ARHGEF17: variants seen among roughly 807,000 people sequenced by gnomAD.
ARHGEF17 encodes Rho guanine nucleotide exchange factor 17, also known as 164 kDa Rho-specific guanine-nucleotide exchange factor.
A neutral mutation model predicts 174.0 loss-of-function variants in ARHGEF17; 80 were observed. That is an observed-to-expected ratio of 0.46 (90% CI 0.38 to 0.55). The LOEUF is 0.55. Ranked by LOEUF, ARHGEF17 falls within the 20% of genes least tolerant of loss-of-function variation. The pLI is 0.00. For synonymous variants in ARHGEF17, 1,311 were observed against 1,189.1 expected (o/e 1.10, Z -2.11); for missense variants, 2,886 against 2,839.7 (o/e 1.02, Z -0.37).
intron 14 of ARHGEF17, 97 bp from the exon 15 acceptor site, chr11:73,363,109 C>T (rs1381184876): frequency 4.2e-6 from 6 of 1,435,500 alleles, no homozygotes; most frequent in Admixed American, 2.9e-5. Flanking sequence ...AGAGGCCTTC[C>T]GGAGGGGCAT....
intron 20 of ARHGEF17, among the ~76,000 whole-genome samples, 159 bp from the exon 21 acceptor site, chr11:73,367,425 C>T (rs539000485): frequency 6.6e-6 from 1 of 152,348 alleles, no homozygotes; most frequent in East Asian, 1.9e-4. Flanking sequence ...GTGGGCATTT[C>T]TTTCTAAATA....
At chr11:73,341,987 C>G (rs892602892) in intron 1 of ARHGEF17, among the ~76,000 whole-genome samples, 4 of 148,496 alleles carry the variant, frequency 2.7e-5, no homozygotes, top group Admixed American at 6.7e-5. Flanking sequence ...TGCTCGCCCC[C>G]ACCCCTCAGT....
At chr11:73,339,808 CT>C (rs1865342120) in intron 1 of ARHGEF17, among the ~76,000 whole-genome samples, 1 of 152,152 alleles carries the variant, frequency 6.6e-6, no homozygotes. Flanking sequence ...CCCTCTCTGT[CT>C]TTCCTTCTCT....
In ARHGEF17 at chr11:73,309,685, G is replaced by A. The variant is rs1864773982; in HGVS notation, c.1047G>A (p.Pro349=). Residue 349 remains proline (P), a synonymous_variant, in exon 1 of 21, where the codon CCG becomes CCA. Transcript: ENST00000263674. Reference sequence around the variant, plus strand: ...TCCGGGAGTGGGGTAGTGGCTCTCCGCCCTGCGTCCCAGGTCCCCAGGAGG... The same window carrying A: ...TCCGGGAGTGGGGTAGTGGCTCTCCACCCTGCGTCCCAGGTCCCCAGGAGG... ...EGLREWGSGS[P]PCVPGPQEGL... is the part of the protein sequence containing the mutation. The A allele has an allele frequency of 2.5e-6, 4 of 1,612,930 alleles. No individual in the cohort carries two copies. Among genetic ancestry groups the A allele is most frequent in the Non-Finnish European group, 3.4e-6 (4 of 1,180,000 alleles).
chr11:73,345,698 G>A (rs547581413), intron 1 of ARHGEF17, among the ~76,000 whole-genome samples: 3 of 152,320 alleles, frequency 2.0e-5, no homozygotes, highest in South Asian at 4.1e-4. Flanking sequence ...GCACTTGCTC[G>A]AACCAGTAAG....
chr11:73,350,537 T>C (rs1865536792), intron 2 of ARHGEF17, among the ~76,000 whole-genome samples: 2 of 152,242 alleles, frequency 1.3e-5, no homozygotes, highest in South Asian at 2.1e-4. Context: ...ATAGTCCCAG[T>C]GTTAACTTCG....
Position 73,309,204 on chromosome 11 carries a change from C to G in ARHGEF17, c.566C>G (p.Thr189Ser). Residue 189 changes from threonine to serine, a missense_variant, in exon 1 of 21, where the codon ACC (threonine) becomes AGC (serine). By Grantham distance (58) the Thr-to-Ser change is moderately conservative (BLOSUM62 1). Coordinates refer to ENST00000263674, the MANE Select transcript of ARHGEF17 (RefSeq NM_014786.4). ...LAGLRSARPL[T>S]GPETEGRLRR... is the part of the protein sequence containing the mutation. ...GGTCTGCGTTCGGCGCGGCCCCTGA[C>G]CGGGCCGGAGACCGAAGGGAGGCTG... 1 of 1,595,064 alleles carries G rather than the reference C, an allele frequency of 6.3e-7. No homozygotes were observed. The highest frequency in any genetic ancestry group is 8.5e-7 in the Non-Finnish European group (1 of 1,170,822).
intron 1 of ARHGEF17, among the ~76,000 whole-genome samples, chr11:73,344,259 A>AC (rs1297185303): frequency 7.9e-5 from 12 of 152,050 alleles, no homozygotes; most frequent in Admixed American, 7.2e-4. Flanking sequence ...CACCCCCGCA[A>AC]CCCCCGCACA....
chr11:73,320,827 A>T (rs1865006366), intron 1 of ARHGEF17, among the ~76,000 whole-genome samples: 1 of 151,572 alleles, frequency 6.6e-6, no homozygotes. Flanking sequence ...TGCCTGGCTA[A>T]TTTTTTTTAC....
intron 2 of ARHGEF17, 130 bp from the exon 3 acceptor site, chr11:73,352,700 G>C (rs1865574382): frequency 2.2e-6 from 2 of 925,044 alleles, no homozygotes; most frequent in Non-Finnish European, 3.3e-6. Context: ...TCTCATGAGG[G>C]AGATGTGGAA....
chr11:73,360,321 G>A lies in ARHGEF17; in HGVS notation c.4208G>A (p.Ser1403Asn). 1.2e-6 allele frequency: 2 copies of A among 1,613,490 alleles called. No individual in the cohort carries two copies. The highest frequency in any genetic ancestry group is 1.7e-4 in the Middle Eastern group (1 of 6,042). ...AGGCCTGGGCCCTCTTCCCCACAGAGCCTGGACGATGCACTGCGGGACCTC... is the reference window on the plus strand; with the variant it reads ...AGGCCTGGGCCCTCTTCCCCACAGAACCTGGACGATGCACTGCGGGACCTC... ...LSESLGFPHQ[S>N]LDDALRDLSA... Residue 1403 changes from serine (S) to asparagine (N), a missense_variant and splice_region_variant, in exon 11 of 21, where the codon AGC (serine) becomes AAC (asparagine). By Grantham distance (46) the Ser-to-Asn change is conservative (BLOSUM62 1). This residue lies in a region of ARHGEF17 where 476 missense variants were observed against 473.1 expected (regional missense o/e 1.01). Transcript: ENST00000263674.
In ARHGEF17 at chr11:73,363,341, G is replaced by A. The variant is rs1344083819; in HGVS notation, c.5132G>A (p.Arg1711Lys). ...TGCGGCACCAGCCCAATGGATGGGA[G>A]AGCCCTTCGCCGCTCCAGCCACGGC... ...GPCGTSPMDG[R>K]ALRRSSHGSF... The change falls in exon 15 of 21, where the codon AGA becomes AAA. Residue 1711 changes from arginine (R) to lysine (K), a missense_variant. By Grantham distance (26) the Arg-to-Lys change is conservative. This residue lies in a region of ARHGEF17 where 476 missense variants were observed against 473.1 expected (regional missense o/e 1.01). Transcript: ENST00000263674. 3 of 1,612,920 alleles carry A rather than the reference G, an allele frequency of 1.9e-6. No individual in the cohort carries two copies. The East Asian group carries it at 6.7e-5, about 36-fold the overall frequency.
chr11:73,316,077 C>G (rs966545904), intron 1 of ARHGEF17, among the ~76,000 whole-genome samples: 1 of 152,176 alleles, frequency 6.6e-6, no homozygotes, highest in African/African-American at 2.4e-5. Context: ...TGTTGAGGGA[C>G]TAGCCTGGAA....
At position 73,309,463 on chromosome 11, in the gene ARHGEF17, G is replaced by A. The variant is rs1484870606; in HGVS notation, c.825G>A (p.Ser275=). 1 of 1,542,874 alleles carries A rather than the reference G, an allele frequency of 6.5e-7. No homozygotes were observed. Among genetic ancestry groups the A allele is most frequent in the South Asian group, 1.2e-5 (1 of 82,162 alleles). The stretch of plus-strand genomic sequence containing the variant: ...CGGCCTACCACGGCGGCCACTCCTC[G>A]GGCAGTGACGACGACCGAGACGGTG... ...QSPAYHGGHS[S]GSDDDRDGEG... Residue 275 remains serine (S), a synonymous_variant, in exon 1 of 21, where the codon TCG becomes TCA. Transcript: ENST00000263674.
Position 73,334,764 on chromosome 11 carries a change from T to C in ARHGEF17, c.3193-12119T>C, listed in dbSNP as rs551646374. Among the ~76,000 whole-genome samples the C allele has an allele frequency of 2.0e-5, 3 of 151,686 alleles. No individual in the cohort carries two copies. The South Asian group carries it at 6.3e-4, about 32-fold the overall frequency. On this transcript the variant is annotated intron_variant, in intron 1 of 20. Transcript: ENST00000263674. ...AACACATGACTGCAGCCCTTCCCCC[T>C]GCTCCTGGGTCTGAGGGAGGGAGAG... is the stretch of plus-strand genomic sequence containing the variant.
At position 73,308,705 on chromosome 11, in the gene ARHGEF17, A is replaced by G; in HGVS notation, c.67A>G (p.Ser23Gly). ...SVSFKLLERW[S>G]GGPGLREEDT... is the part of the protein sequence containing the mutation. ...CTCGTTCAAGCTGCTGGAGCGCTGGAGCGGCGGCCCCGGGCTGAGGGAGGA... is the reference window on the plus strand; with the variant it reads ...CTCGTTCAAGCTGCTGGAGCGCTGGGGCGGCGGCCCCGGGCTGAGGGAGGA... The change falls in exon 1 of 21, where the codon AGC (serine) becomes GGC (glycine). Residue 23 changes from serine (S) to glycine (G), a missense_variant. By Grantham distance (56) the Ser-to-Gly change is moderately conservative. Around this residue, in one of 4 missense-constraint regions of ARHGEF17, gnomAD observed 1,728 missense variants for 1,461.2 expected, o/e 1.18. Coordinates refer to ENST00000263674, the MANE Select transcript of ARHGEF17 (RefSeq NM_014786.4). 1.3e-6 allele frequency: 2 copies of G among 1,516,284 alleles called. No individual in the cohort carries two copies. Among genetic ancestry groups the G allele is most frequent in the Non-Finnish European group, 8.8e-7 (1 of 1,136,088 alleles). The allele number at this position is 1,516,284 out of a possible 1,614,324, so 93.9% of individuals were successfully genotyped here.
At position 73,311,653 on chromosome 11, in the gene ARHGEF17, C is replaced by A. The variant is rs146315854; in HGVS notation, c.3015C>A (p.Asp1005Glu). ...CGTTGCAGGCACCATCGCTCGAGGA[C>A]GTCACCAAGCAGTACATGCTGAACC... ...HPTLQAPSLE[D>E]VTKQYMLNLH... The change falls in exon 1 of 21, where the codon GAC becomes GAA. Residue 1005 changes from aspartate (D) to glutamate (E), a missense_variant. This residue lies in a region of ARHGEF17 where 1,728 missense variants were observed against 1,461.2 expected (regional missense o/e 1.18). Coordinates refer to ENST00000263674, the MANE Select transcript of ARHGEF17 (RefSeq NM_014786.4). The A allele has an allele frequency of 2.5e-6, 4 of 1,613,386 alleles. No individual in the cohort carries two copies. The highest frequency in any genetic ancestry group is 3.3e-5 in the Admixed American group (2 of 60,024).
intron 1 of ARHGEF17, among the ~76,000 whole-genome samples, chr11:73,337,750 A>G (rs1318564499): frequency 6.6e-6 from 1 of 152,148 alleles, no homozygotes; most frequent in Non-Finnish European, 1.5e-5. Flanking sequence ...TGACCCCTTC[A>G]CTTTCAGTCT....
intron 1 of ARHGEF17, among the ~76,000 whole-genome samples, chr11:73,343,843 A>G (rs1487734411): frequency 1.3e-5 from 2 of 152,048 alleles, no homozygotes; most frequent in Non-Finnish European, 1.5e-5. Flanking sequence ...GGGGGCTGTA[A>G]TTCTGTCCCC....
Sources: gnomAD v4.1 joint callset for allele counts (sites outside exome capture counted in the v4.1 genomes callset) on GRCh38, gnomAD v4.1.1 for gene constraint, gnomAD v4.1.1 regional missense constraint, MANE v1.5 for transcripts, NCBI Gene and HGNC (gene_info 2026-07-23, HGNC 2026-07-21) for gene names.